Variants in MACROD2 observed in about 807,000 individuals in gnomAD.
The protein encoded by MACROD2 is mono-ADP ribosylhydrolase 2, also known as ADP-ribose glycohydrolase MACROD2.
In MACROD2, 36 loss-of-function variants were observed where a neutral mutation model predicts 70.4. That is an observed-to-expected ratio of 0.51 (90% CI 0.39 to 0.68). The LOEUF (loss-of-function observed/expected upper bound fraction) is 0.68. MACROD2 is among the 30% of genes least tolerant of loss of function. MACROD2 has a pLI of 0.00. For missense variants in MACROD2, 496 were observed against 538.4 expected, an observed-to-expected ratio of 0.92 and a Z score of 0.78; for synonymous variants, 172 against 178.8, an observed-to-expected ratio of 0.96 and a Z score of 0.30.
intron 7 of MACROD2, among the ~76,000 whole-genome samples, chr20:15,432,383 TA>T (rs925844355): frequency 3.9e-5 from 6 of 152,086 alleles, no homozygotes; most frequent in Non-Finnish European, 8.8e-5. Flanking sequence ...TCACACTATT[TA>T]AAAATTTAAG....
chr20:15,733,422 T>C (rs2050974343), intron 8 of MACROD2, among the ~76,000 whole-genome samples: 1 of 152,182 alleles, frequency 6.6e-6, no homozygotes, highest in African/African-American at 2.4e-5. Flanking sequence ...TATTCTCTAG[T>C]TTTCTAAAGT....
At chr20:15,895,985 T>G (rs970305097) in intron 10 of MACROD2, among the ~76,000 whole-genome samples, 1 of 152,238 alleles carries the variant, frequency 6.6e-6, no homozygotes, top group Non-Finnish European at 1.5e-5. Context: ...AATTCATGCA[T>G]TGTACTCTTG....
intron 8 of MACROD2, among the ~76,000 whole-genome samples, chr20:15,510,563 C>T (rs1038753611): frequency 2.0e-5 from 3 of 152,162 alleles, no homozygotes; most frequent in African/African-American, 7.2e-5. Context: ...GAAGCTGTGA[C>T]CAGAGCTGAA....
chr20:14,333,221 A>G (rs144667903), intron 3 of MACROD2, among the ~76,000 whole-genome samples: 1 of 152,270 alleles, frequency 6.6e-6, no homozygotes, highest in African/African-American at 2.4e-5. Flanking sequence ...TGTTTCATTT[A>G]TGGAAAATAG....
chr20:14,056,198 A>G (rs1404059332), intron 2 of MACROD2, among the ~76,000 whole-genome samples: 1 of 152,096 alleles, frequency 6.6e-6, no homozygotes, highest in Non-Finnish European at 1.5e-5. Flanking sequence ...AAAAATTATT[A>G]GCAAACACTT....
Position 15,757,585 on chromosome 20 carries a change from T to A in MACROD2, c.646-105160T>A, listed in dbSNP as rs557133202. On this transcript the variant is annotated intron_variant, in intron 8 of 17. Transcript: ENST00000684519. Reference sequence around the variant, plus strand: ...TGTAGAAAATACCTCCATGAGTGTCTTAGTTTAAGCTACTATAATAAAATA... The same window carrying A: ...TGTAGAAAATACCTCCATGAGTGTCATAGTTTAAGCTACTATAATAAAATA... Among the ~76,000 whole-genome samples, 152 of 152,328 alleles carry A rather than the reference T, an allele frequency of 1.0e-3. 1 individual carries two copies. The highest frequency in any genetic ancestry group is 3.2e-3 in the African/African-American group (134 of 41,574).
chr20:14,224,144 G>T, intron 3 of MACROD2, among the ~76,000 whole-genome samples: 1 of 152,110 alleles, frequency 6.6e-6, no homozygotes, highest in East Asian at 1.9e-4. Context: ...CACTTTCACA[G>T]AAACATACTA....
chr20:15,477,354 C>T (rs1017351094), intron 7 of MACROD2, among the ~76,000 whole-genome samples: 1 of 152,110 alleles, frequency 6.6e-6, no homozygotes, highest in African/African-American at 2.4e-5. Context: ...ACATATTTTA[C>T]AGCTGTGAAC....
intron 3 of MACROD2, among the ~76,000 whole-genome samples, chr20:14,205,072 G>A (rs2081511889): frequency 6.6e-6 from 1 of 152,126 alleles, no homozygotes; most frequent in Non-Finnish European, 1.5e-5. Flanking sequence ...AAAAATCTCA[G>A]GGAAAAGATA....
At chr20:15,164,112 A>G (rs1045974079) in intron 5 of MACROD2, among the ~76,000 whole-genome samples, 2 of 152,188 alleles carry the variant, frequency 1.3e-5, no homozygotes, top group African/African-American at 4.8e-5. Flanking sequence ...AAGGACATAC[A>G]GTGAGCCCTC....
intron 3 of MACROD2, among the ~76,000 whole-genome samples, chr20:14,205,877 C>T (rs2081519112): frequency 1.3e-5 from 2 of 152,294 alleles, no homozygotes; most frequent in South Asian, 4.1e-4. Context: ...AGATACAAAG[C>T]CTTCTAATTC....
At chr20:14,572,874 A>T (rs892165082) in intron 4 of MACROD2, among the ~76,000 whole-genome samples, 2 of 150,072 alleles carry the variant, frequency 1.3e-5, no homozygotes, top group African/African-American at 4.9e-5. Context: ...TTAACATATT[A>T]AATATTAAAT....
At chr20:15,910,929 C>G (rs1334518107) in intron 10 of MACROD2, among the ~76,000 whole-genome samples, 1 of 152,248 alleles carries the variant, frequency 6.6e-6, no homozygotes, top group Non-Finnish European at 1.5e-5. Context: ...CTCTACCCAT[C>G]TCTGTGCTCT....
At chr20:15,684,662 T>A (rs1248589332) in intron 8 of MACROD2, among the ~76,000 whole-genome samples, 7 of 152,236 alleles carry the variant, frequency 4.6e-5, no homozygotes, top group Admixed American at 4.6e-4. Flanking sequence ...AATTTCCTTG[T>A]GAGCTGGGTT....
chr20:14,960,645 T>C (rs2074575161), intron 5 of MACROD2, among the ~76,000 whole-genome samples: 7 of 152,170 alleles, frequency 4.6e-5, no homozygotes, highest in Admixed American at 4.6e-4. Context: ...ACTTTTAAAA[T>C]CCTGTCATTA....
At chr20:14,966,998 A>T (rs537982472) in intron 5 of MACROD2, among the ~76,000 whole-genome samples, 67 of 151,786 alleles carry the variant, frequency 4.4e-4, no homozygotes, top group African/African-American at 1.6e-3. Context: ...AATTTATGGT[A>T]TGTGTGTAAT....
intron 5 of MACROD2, among the ~76,000 whole-genome samples, chr20:15,177,110 C>T (rs1009546110): frequency 1.3e-5 from 2 of 152,212 alleles, no homozygotes; most frequent in African/African-American, 4.8e-5. Context: ...CCTCTCACTT[C>T]TCTGTGCCTG....
At chr20:15,574,734 G>C (rs1329105052) in intron 8 of MACROD2, among the ~76,000 whole-genome samples, 2 of 152,130 alleles carry the variant, frequency 1.3e-5, no homozygotes, top group African/African-American at 4.8e-5. Flanking sequence ...TGTGGCTTCA[G>C]CCTTCAAGGG....
chr20:15,314,873 C>T (rs772377414), intron 6 of MACROD2, among the ~76,000 whole-genome samples: 7 of 152,166 alleles, frequency 4.6e-5, no homozygotes, highest in Non-Finnish European at 7.3e-5. Context: ...CATGCACACC[C>T]AGTGCAGGAC....
Sources: gnomAD v4.1 joint callset for allele counts (sites outside exome capture counted in the v4.1 genomes callset) on GRCh38, gnomAD v4.1.1 for gene constraint, MANE v1.5 for transcripts, NCBI Gene and HGNC (gene_info 2026-07-23, HGNC 2026-07-21) for gene names.